PFKFB3: variants seen among roughly 807,000 people sequenced by gnomAD.
PFKFB3 encodes the protein 6-phosphofructo-2-kinase/fructose-2,6-biphosphatase 3, also known as 6-phosphofructo-2-kinase/fructose-2,6-bisphosphatase 3.
A neutral mutation model predicts 68.0 loss-of-function variants in PFKFB3; 33 were observed. The observed-to-expected ratio is 0.49, with a 90% CI of 0.37 to 0.65. The LOEUF is 0.65. PFKFB3 is among the 30% of genes least tolerant of loss of function. The pLI is 0.00. For synonymous variants in PFKFB3, 315 were observed against 288.2 expected (o/e 1.09, Z -0.94); for missense variants, 586 against 712.2 (o/e 0.82, Z 2.02).
chr10:6,299,585 A>G, the PFKFB3 span, among the ~76,000 whole-genome samples: 1 of 152,314 alleles, frequency 6.6e-6, no homozygotes, highest in South Asian at 2.1e-4. Context: ...ATAAAGGGTA[A>G]TAATTTACTG....
chr10:6,218,295 TTCTG>T (rs1421556845), intron 6 of PFKFB3, among the ~76,000 whole-genome samples: 1 of 152,176 alleles, frequency 6.6e-6, no homozygotes, highest in African/African-American at 2.4e-5. Flanking sequence ...AGAAATCTCT[TTCTG>T]ATGAAATCTC....
chr10:6,226,609 C>T (rs1202776355), intron 14 of PFKFB3, among the ~76,000 whole-genome samples: 1 of 152,228 alleles, frequency 6.6e-6, no homozygotes, highest in Non-Finnish European at 1.5e-5. Flanking sequence ...TTGCTGGTGA[C>T]AACCGTGACT....
intron 14 of PFKFB3, 35 bp downstream of exon 14, chr10:6,226,400 A>G (rs546317679): frequency 4.0e-5 from 62 of 1,566,904 alleles, no homozygotes; most frequent in Non-Finnish European, 5.4e-5. Flanking sequence ...TGCCTGGGGG[A>G]CGCATGCCGG....
chr10:6,295,303 C>T, the PFKFB3 span, among the ~76,000 whole-genome samples: 2 of 152,042 alleles, frequency 1.3e-5, no homozygotes, highest in Non-Finnish European at 2.9e-5. Flanking sequence ...TTCACTGCAA[C>T]CTCTGCCTCC....
At chr10:6,282,721 C>T in the PFKFB3 span, among the ~76,000 whole-genome samples, 6 of 152,042 alleles carry the variant, frequency 3.9e-5, no homozygotes, top group Middle Eastern at 3.2e-3. Context: ...AGAATTTACT[C>T]AAAAGAGGAG....
chr10:6,166,115 G>T (rs1032192014), intron 1 of PFKFB3, among the ~76,000 whole-genome samples: 1 of 152,088 alleles, frequency 6.6e-6, no homozygotes, highest in African/African-American at 2.4e-5. Flanking sequence ...CAGTAGCTGG[G>T]ATTACAGGTG....
At chr10:6,251,916 C>T (rs1252293186) in intron 14 of PFKFB3, among the ~76,000 whole-genome samples, 1 of 152,044 alleles carries the variant, frequency 6.6e-6, no homozygotes, top group African/African-American at 2.4e-5. Context: ...TGCAGTGAGC[C>T]AAGATTGTGC....
intron 1 of PFKFB3, among the ~76,000 whole-genome samples, chr10:6,172,070 C>T (rs147990526): frequency 9.2e-5 from 14 of 152,324 alleles, no homozygotes; most frequent in South Asian, 6.2e-4. Flanking sequence ...CACCGGTGTC[C>T]GGGACAGATA....
chr10:6,164,336 C>T (rs981447125), intron 1 of PFKFB3, among the ~76,000 whole-genome samples: 1 of 152,162 alleles, frequency 6.6e-6, no homozygotes, highest in African/African-American at 2.4e-5. Context: ...ATGAACAGGG[C>T]CTGCGGTGAA....
rs1844505512 is a variant in PFKFB3, at chr10:6,215,400, C to G, written c.299+83C>G. The G allele has an allele frequency of 2.9e-6, 3 of 1,047,946 alleles. No individual in the cohort carries two copies. The Admixed American group carries it at 5.7e-5, about 20-fold the overall frequency. 64.9% of individuals were successfully genotyped at this position (1,047,946 alleles called of 1,614,324 possible). A position where few individuals can be genotyped will look rare whatever the true frequency, so the allele number is the denominator to read the frequency against. On this transcript the variant is annotated intron_variant, in intron 3 of 14. Transcript: ENST00000379775. This position sits in a 1 kb window ranked among gnomAD's most constrained non-coding sequence, Gnocchi z 4.3. Reference sequence around the variant, plus strand: ...ATAAGGCTGGGCTGCAGGAGTAAGGCTGGGCCGCGGGCGTAGGGCTGGGCT... The same window carrying G: ...ATAAGGCTGGGCTGCAGGAGTAAGGGTGGGCCGCGGGCGTAGGGCTGGGCT...
At chr10:6,315,411 G>T in the PFKFB3 span, among the ~76,000 whole-genome samples, 1 of 152,194 alleles carries the variant, frequency 6.6e-6, no homozygotes, top group Non-Finnish European at 1.5e-5. Flanking sequence ...CTTATAGAAT[G>T]TCCCACATTC....
the PFKFB3 span, among the ~76,000 whole-genome samples, chr10:6,319,441 T>A: frequency 6.6e-6 from 1 of 152,160 alleles, no homozygotes; most frequent in Non-Finnish European, 1.5e-5. Flanking sequence ...TATTTATAAG[T>A]GGGAGCTAAC....
At chr10:6,290,136 C>T in the PFKFB3 span, among the ~76,000 whole-genome samples, 1 of 152,126 alleles carries the variant, frequency 6.6e-6, no homozygotes, top group Non-Finnish European at 1.5e-5. Flanking sequence ...GATATACAAT[C>T]ATGTCATCTG....
At chr10:6,226,791 A>G (rs1383182758) in intron 14 of PFKFB3, among the ~76,000 whole-genome samples, 1 of 152,070 alleles carries the variant, frequency 6.6e-6, no homozygotes, top group East Asian at 1.9e-4. Context: ...GTAGTAAAAA[A>G]CCTAACAAAC....
chr10:6,197,832 A>G (rs1843215810), intron 1 of PFKFB3: 1 of 152,148 alleles, frequency 6.6e-6, no homozygotes, highest in Admixed American at 6.6e-5. Flanking sequence ...GGTCAACTGT[A>G]TATGGTTGGC....
rs1844811158 is a variant in PFKFB3 at position 6,219,551 on chromosome 10, C to G, written c.499-18C>G. On this transcript the variant is annotated intron_variant, in intron 6 of 14. Coordinates refer to ENST00000379775, the MANE Select transcript of PFKFB3 (RefSeq NM_004566.4). ...CCTTCCAGCGTGATTTATCAGCCAC[C>G]CCTTTGTGGTGTTGCAGGAAGTTAA... The G allele has an allele frequency of 1.2e-6, 2 of 1,613,742 alleles. No individual in the cohort carries two copies. Among genetic ancestry groups the G allele is most frequent in the South Asian group, 1.1e-5 (1 of 91,072 alleles).
rs576133477 is a variant in PFKFB3 at position 6,216,056 on chromosome 10, G to A, written c.300-69G>A. 25 of 1,372,118 alleles carry A rather than the reference G, an allele frequency of 1.8e-5. 1 individual carries two copies. Among genetic ancestry groups the A allele is most frequent in the South Asian group, 1.3e-4 (11 of 86,298 alleles). The allele number at this position is 1,372,118 out of a possible 1,614,324, so 85.0% of individuals were successfully genotyped here. A position where few individuals can be genotyped will look rare whatever the true frequency, so the allele number is the denominator to read the frequency against. ...GTTACTCTGCTTGTCGGGGCGTGTC[G>A]GGAGTTGCTTGGGCTGCCCCAGCGG... On this transcript the variant is annotated intron_variant, in intron 3 of 14. Coordinates refer to ENST00000379775, the MANE Select transcript of PFKFB3 (RefSeq NM_004566.4).
chr10:6,266,221 T>C, the PFKFB3 span, among the ~76,000 whole-genome samples: 9 of 152,222 alleles, frequency 5.9e-5, no homozygotes, highest in Admixed American at 2.6e-4. Flanking sequence ...GTTTATTTTA[T>C]GGATTCATTG....
chr10:6,215,079 G>A lies in PFKFB3; in HGVS notation c.203-142G>A, dbSNP rs1844472085. 10 of 665,950 alleles carry A rather than the reference G, an allele frequency of 1.5e-5. No individual in the cohort carries two copies. Among genetic ancestry groups the A allele is most frequent in the South Asian group, 1.0e-4 (6 of 57,312 alleles). 41.3% of individuals were successfully genotyped at this position (665,950 alleles called of 1,614,324 possible). On this transcript the variant is annotated intron_variant, in intron 2 of 14. Coordinates refer to ENST00000379775, the MANE Select transcript of PFKFB3 (RefSeq NM_004566.4). The surrounding 1 kb of genome is among the most constrained non-coding windows in gnomAD (Gnocchi z 4.3). ...AGTTGAGGGTAGCGTAGGACTGGGC[G>A]CCGGCATTGCTTCCACACCATCTCA...
Sources: allele counts gnomAD v4.1 joint callset (sites outside exome capture counted in the v4.1 genomes callset), GRCh38; gene constraint gnomAD v4.1.1; non-coding constraint Gnocchi (gnomAD v3.1); transcripts MANE v1.5; gene names NCBI Gene and HGNC (gene_info 2026-07-23, HGNC 2026-07-21).